The following NR6A1 variants were observed in gnomAD, a reference collection of about 807,000 sequenced individuals.
NR6A1 encodes nuclear receptor subfamily 6 group A member 1, also known as retinoic acid receptor-related testis-associated receptor.
Under a neutral mutation model 59.1 loss-of-function variants are expected in NR6A1, and 7 were observed. The ratio of observed to expected loss-of-function variants is 0.12; its 90% CI spans 0.07 to 0.22. The LOEUF is 0.22. Among genes scored for constraint, NR6A1 ranks in the 10% least tolerant of loss-of-function variants. The probability of loss-of-function intolerance (pLI) is 1.00; values close to 1 mark genes in which losing one functional copy is unlikely to be tolerated. For synonymous variants in NR6A1, 243 were observed against 236.1 expected, an observed-to-expected ratio of 1.03 and a Z score of -0.27; for missense variants, 468 against 611.6, an observed-to-expected ratio of 0.77 and a Z score of 2.48.
chr9:124,546,867 GGT>G (rs1216132417), intron 3 of NR6A1, among the ~76,000 whole-genome samples: 1 of 152,182 alleles, frequency 6.6e-6, no homozygotes, highest in East Asian at 1.9e-4. Context: ...CACCTTGGAA[GGT>G]GTATTATTCT....
At chr9:124,712,147 C>T (rs774299957) in intron 2 of NR6A1, among the ~76,000 whole-genome samples, 9 of 152,120 alleles carry the variant, frequency 5.9e-5, no homozygotes, top group African/African-American at 9.7e-5. Flanking sequence ...TCTGTGCTTC[C>T]AGAATAGACC....
At chr9:124,675,763 G>A (rs766862892) in intron 2 of NR6A1, among the ~76,000 whole-genome samples, 6 of 152,158 alleles carry the variant, frequency 3.9e-5, no homozygotes, top group Non-Finnish European at 7.4e-5. Context: ...AGCAACTGCT[G>A]GGCAAGCCTG....
Position 124,688,896 on chromosome 9 carries a change from A to G in NR6A1, c.142+44412T>C, listed in dbSNP as rs149414923. Among the ~76,000 whole-genome samples, 159 of 152,346 alleles carry G rather than the reference A, an allele frequency of 1.0e-3. 4 individuals are homozygous for G. In the East Asian group the frequency reaches 0.029, roughly 28 times the overall value. On this transcript the variant is annotated intron_variant, in intron 2 of 9. Transcript: ENST00000487099. ...ATTTAATTAGATAGGGAGAGTTTTA[A>G]ATAATGTTATCTAATTTAATCCTCA...
At chr9:124,661,612 T>C (rs193061784) in intron 2 of NR6A1, among the ~76,000 whole-genome samples, 8 of 152,338 alleles carry the variant, frequency 5.3e-5, no homozygotes, top group African/African-American at 1.7e-4. Flanking sequence ...GGTGTGAAGC[T>C]GAACACGTGC....
In NR6A1 at chr9:124,763,567, C is replaced by CA. The variant is rs1479891859; in HGVS notation, c.100+7452dup. Among the ~76,000 whole-genome samples the CA allele has an allele frequency of 3.3e-5, 5 of 152,086 alleles. No homozygotes were observed. In the East Asian group the frequency reaches 9.6e-4, roughly 29 times the overall value. On this transcript the variant is annotated intron_variant, in intron 1 of 9. Coordinates refer to ENST00000487099, the MANE Select transcript of NR6A1 (RefSeq NM_033334.4). ...GGGAAGAGATTAAGTTTGAAACAAA[C>CA]AATAGTAATGAATGGTCAAAGAATG...
intron 2 of NR6A1, among the ~76,000 whole-genome samples, chr9:124,705,995 T>C (rs1839123191): frequency 6.6e-6 from 1 of 152,110 alleles, no homozygotes; most frequent in African/African-American, 2.4e-5. Context: ...AGGTTGGTCT[T>C]GAACTCCCGA....
In NR6A1 at chr9:124,524,976, G is replaced by A. The variant is rs181427719; in HGVS notation, c.1202-103C>T. 91 of 1,292,956 alleles carry A rather than the reference G, an allele frequency of 7.0e-5. No individual in the cohort carries two copies. The African/African-American group carries it at 1.3e-3, about 18-fold the overall frequency. The allele number at this position is 1,292,956 out of a possible 1,614,324, so 80.1% of individuals were successfully genotyped here. A position where few individuals can be genotyped will look rare whatever the true frequency, so the allele number is the denominator to read the frequency against. On this transcript the variant is annotated intron_variant, in intron 8 of 9. Transcript: ENST00000487099. ...TTAAATATGTTCATTTTTCAACTAA[G>A]TTACTAAACATTGTCACAACAGGAG...
chr9:124,532,863 T>G (rs1451222172), intron 7 of NR6A1, among the ~76,000 whole-genome samples: 1 of 152,212 alleles, frequency 6.6e-6, no homozygotes, highest in Admixed American at 6.5e-5. Context: ...AAATTTACAT[T>G]TTAAAAGCCA....
chr9:124,533,809 C>T (rs1401032545), intron 7 of NR6A1, among the ~76,000 whole-genome samples: 3 of 152,102 alleles, frequency 2.0e-5, no homozygotes, highest in Admixed American at 2.0e-4. Context: ...CGCCACCATG[C>T]CCGGCTAATT....
At chr9:124,553,666 C>G (rs968786687) in intron 3 of NR6A1, among the ~76,000 whole-genome samples, 3 of 147,972 alleles carry the variant, frequency 2.0e-5, no homozygotes, top group African/African-American at 7.5e-5. Flanking sequence ...GTCACCAACT[C>G]CTATCAGATG....
intron 1 of NR6A1, among the ~76,000 whole-genome samples, chr9:124,736,717 A>C (rs1840030051): frequency 1.3e-5 from 2 of 152,038 alleles, no homozygotes; most frequent in Admixed American, 1.3e-4. Flanking sequence ...GTGGTGGTGT[A>C]TGCCTGTAAT....
chr9:124,551,932 T>C (rs1833789785), intron 3 of NR6A1, among the ~76,000 whole-genome samples: 1 of 152,192 alleles, frequency 6.6e-6, no homozygotes, highest in Admixed American at 6.5e-5. Context: ...TGGCAGGGTT[T>C]CTCTCCCTGA....
At chr9:124,635,000 CATT>C (rs1403781501) in intron 2 of NR6A1, among the ~76,000 whole-genome samples, 3 of 152,130 alleles carry the variant, frequency 2.0e-5, no homozygotes, top group African/African-American at 7.2e-5. Flanking sequence ...ATTGACACAT[CATT>C]ATCACCTAAG....
At chr9:124,761,430 A>T (rs1840782283) in intron 1 of NR6A1, among the ~76,000 whole-genome samples, 1 of 152,220 alleles carries the variant, frequency 6.6e-6, no homozygotes, top group Non-Finnish European at 1.5e-5. Flanking sequence ...CAGCAAGCCC[A>T]CTACAGGATG....
chr9:124,666,275 C>CTTTTTTTTTTTTTTT lies in NR6A1; in HGVS notation c.142+67018_142+67032dup, dbSNP rs922378385. On this transcript the variant is annotated intron_variant, in intron 2 of 9. Coordinates refer to ENST00000487099, the MANE Select transcript of NR6A1 (RefSeq NM_033334.4). ...TTGGCGGAATTACCTCTATGTGGTT[C>CTTTTTTTTTTTTTTT]TTTTTTTTTTTTTTTTTTTTTGAGA... is the stretch of plus-strand genomic sequence containing the variant. 3.8e-4 allele frequency among the ~76,000 whole-genome samples: 39 copies of CTTTTTTTTTTTTTTT among 103,050 alleles called. 2 individuals are homozygous for CTTTTTTTTTTTTTTT. The highest frequency in any genetic ancestry group is 9.6e-4 in the East Asian group (3 of 3,128). 67.6% of individuals were successfully genotyped at this position (103,050 alleles called of 152,430 possible).
chr9:124,572,372 C>A (rs546686161), intron 2 of NR6A1, among the ~76,000 whole-genome samples: 1 of 152,250 alleles, frequency 6.6e-6, no homozygotes, highest in Admixed American at 6.5e-5. Flanking sequence ...CATCTAAAGA[C>A]AACTTCAAGA....
chr9:124,621,549 G>A (rs1836076794), intron 2 of NR6A1, among the ~76,000 whole-genome samples: 2 of 151,806 alleles, frequency 1.3e-5, no homozygotes, highest in Admixed American at 1.3e-4. Flanking sequence ...AGTAACTTAG[G>A]AGGATACGGT....
At chr9:124,617,186 C>T (rs1835920327) in intron 2 of NR6A1, among the ~76,000 whole-genome samples, 2 of 152,326 alleles carry the variant, frequency 1.3e-5, no homozygotes, top group East Asian at 3.9e-4. Flanking sequence ...GCCAATCATT[C>T]AGCTAATTCC....
At chr9:124,560,953 TG>T in intron 2 of NR6A1, among the ~76,000 whole-genome samples, 1 of 152,006 alleles carries the variant, frequency 6.6e-6, no homozygotes, top group South Asian at 2.1e-4. Context: ...CAGGCTTGGG[TG>T]GCAATGTAGA....
Sources: gnomAD v4.1 joint callset for allele counts (sites outside exome capture counted in the v4.1 genomes callset) on GRCh38, gnomAD v4.1.1 for gene constraint, MANE v1.5 for transcripts, NCBI Gene and HGNC (gene_info 2026-07-23, HGNC 2026-07-21) for gene names.